The following ARNT2 variants were observed in gnomAD, a reference collection of about 807,000 sequenced individuals.
ARNT2 encodes the protein ARNT protein 2.
ARNT2 carries 36 observed loss-of-function variants against 91.7 expected under a neutral mutation model. That is an observed-to-expected ratio of 0.39 (90% CI 0.30 to 0.52). The LOEUF is 0.52. ARNT2 is among the 20% of genes least tolerant of loss of function. The pLI, the probability that ARNT2 is intolerant of heterozygous loss-of-function variation, is 0.72. For synonymous variants in ARNT2, 365 were observed against 347.1 expected (o/e 1.05, Z -0.57); for missense variants, 775 against 939.3 (o/e 0.83, Z 2.29).
chr15:80,472,382 C>T (rs1368513588), intron 4 of ARNT2, among the ~76,000 whole-genome samples: 1 of 152,086 alleles, frequency 6.6e-6, no homozygotes, highest in East Asian at 1.9e-4. Flanking sequence ...TGTACAGAAC[C>T]TCACAGGCAG....
At chr15:80,451,654 C>T (rs1896392904) in intron 2 of ARNT2, among the ~76,000 whole-genome samples, 1 of 152,068 alleles carries the variant, frequency 6.6e-6, no homozygotes, top group Admixed American at 6.5e-5. Context: ...AACCAACCAA[C>T]CAACCAACCA....
chr15:80,567,453 A>G (rs911843802), intron 12 of ARNT2, among the ~76,000 whole-genome samples: 4 of 152,220 alleles, frequency 2.6e-5, no homozygotes, highest in Non-Finnish European at 4.4e-5. Context: ...TTGAGCTCCA[A>G]GAACGTAAGA....
chr15:80,523,259 C>T (rs533066226), intron 8 of ARNT2, among the ~76,000 whole-genome samples: 12 of 152,262 alleles, frequency 7.9e-5, no homozygotes, highest in Admixed American at 2.6e-4. Context: ...CCCAGTTCAC[C>T]GAGCATGTGT....
chr15:80,456,073 T>C (rs1896477531), intron 2 of ARNT2, among the ~76,000 whole-genome samples: 1 of 152,170 alleles, frequency 6.6e-6, no homozygotes, highest in Non-Finnish European at 1.5e-5. Flanking sequence ...GCGATGTAAT[T>C]TTCCGAGAAA....
chr15:80,406,723 C>G (rs908720452), intron 1 of ARNT2, among the ~76,000 whole-genome samples: 4 of 152,322 alleles, frequency 2.6e-5, no homozygotes, highest in South Asian at 4.1e-4. Context: ...TAGTCAACAC[C>G]TGGCCAGCTT....
chr15:80,422,943 A>G (rs955688657), intron 1 of ARNT2, among the ~76,000 whole-genome samples: 7 of 152,170 alleles, frequency 4.6e-5, no homozygotes, highest in African/African-American at 1.7e-4. Context: ...TGGTCTTGTA[A>G]TTTATAACAG....
At position 80,571,126 on chromosome 15, in the gene ARNT2, A is replaced by T. The variant is rs538881414; in HGVS notation, c.1317-3022A>T. Among the ~76,000 whole-genome samples, 3 of 152,322 alleles carry T rather than the reference A, an allele frequency of 2.0e-5. No homozygotes were observed. In the South Asian group the frequency reaches 6.2e-4, roughly 32 times the overall value. On this transcript the variant is annotated intron_variant, in intron 12 of 18. Transcript: ENST00000303329. ...AGAAGTTGTTCCCCAGATGAAAGTTATAGGGAGGTACATTTCAGCTCCTTA... is the reference window on the plus strand; with the variant it reads ...AGAAGTTGTTCCCCAGATGAAAGTTTTAGGGAGGTACATTTCAGCTCCTTA...
chr15:80,580,301 GGA>G, intron 15 of ARNT2, 108 bp from the exon 16 acceptor site: 1 of 1,365,574 alleles, frequency 7.3e-7, no homozygotes, highest in Non-Finnish European at 1.0e-6. Context: ...CGTGCTGCAT[GGA>G]GAGAGAGCCA....
At chr15:80,515,444 A>G (rs1897418148) in intron 8 of ARNT2, among the ~76,000 whole-genome samples, 1 of 152,238 alleles carries the variant, frequency 6.6e-6, no homozygotes, top group Admixed American at 6.5e-5. Context: ...ATTATGGACA[A>G]ATCTTAAAAA....
chr15:80,501,844 A>G (rs1897199527), intron 5 of ARNT2, among the ~76,000 whole-genome samples: 1 of 152,224 alleles, frequency 6.6e-6, no homozygotes. Context: ...AGTGACCTGA[A>G]CAAACTCTCA....
intron 17 of ARNT2, among the ~76,000 whole-genome samples, chr15:80,582,725 G>A (rs1215797414): frequency 6.6e-6 from 1 of 152,152 alleles, no homozygotes; most frequent in Non-Finnish European, 1.5e-5. Context: ...TCGCCACGTG[G>A]TTCACTGGAA....
At chr15:80,416,021 C>G (rs1895780018) in intron 1 of ARNT2, among the ~76,000 whole-genome samples, 1 of 152,132 alleles carries the variant, frequency 6.6e-6, no homozygotes, top group African/African-American at 2.4e-5. Context: ...GTCCCCAACA[C>G]CTTCAGTAAG....
rs1244217339 is a variant in ARNT2 at position 80,581,236 on chromosome 15, T to C, written c.1753-3T>C. The C allele has an allele frequency of 3.1e-6, 5 of 1,613,962 alleles. No homozygotes were observed. The highest frequency in any genetic ancestry group is 4.2e-6 in the Non-Finnish European group (5 of 1,179,990). On this transcript the variant is annotated splice_polypyrimidine_tract_variant and splice_region_variant and intron_variant, in intron 16 of 18. Transcript: ENST00000303329. ...CCATCTCTTTGCTTTGTCCTGATTG[T>C]AGCAAATCCCATCTCAGTCCAGCAA...
intron 15 of ARNT2, chr15:80,580,129 G>T: frequency 2.5e-6 from 1 of 404,044 alleles, no homozygotes; most frequent in Non-Finnish European, 4.6e-6. Flanking sequence ...ATAGGATAGG[G>T]GCTGAAGAGT....
chr15:80,514,520 C>G, intron 8 of ARNT2, 115 bp downstream of exon 8: 1 of 910,742 alleles, frequency 1.1e-6, no homozygotes, highest in Non-Finnish European at 1.7e-6. Context: ...TCTTATTTTT[C>G]TTTGTGGTTA....
chr15:80,505,035 G>C (rs957818365), intron 5 of ARNT2, among the ~76,000 whole-genome samples: 5 of 152,184 alleles, frequency 3.3e-5, no homozygotes, highest in Non-Finnish European at 1.5e-5. Flanking sequence ...AACATGAAAG[G>C]TTCTCAAGGA....
At chr15:80,516,675 T>C (rs1036076758) in intron 8 of ARNT2, among the ~76,000 whole-genome samples, 3 of 151,756 alleles carry the variant, frequency 2.0e-5, no homozygotes, top group African/African-American at 4.8e-5. Flanking sequence ...ATTATTGATA[T>C]AGTTTGATTG....
At chr15:80,574,571 C>T (rs1211128486) in intron 13 of ARNT2, among the ~76,000 whole-genome samples, 1 of 152,218 alleles carries the variant, frequency 6.6e-6, no homozygotes, top group Non-Finnish European at 1.5e-5. Flanking sequence ...TTGGCCATTT[C>T]CCTGCCACTG....
intron 8 of ARNT2, among the ~76,000 whole-genome samples, chr15:80,531,285 G>T (rs1343182281): frequency 3.9e-5 from 6 of 152,200 alleles, no homozygotes; most frequent in Non-Finnish European, 7.3e-5. Flanking sequence ...AAGCATTTCT[G>T]GCTAATGCCG....
Sources: gnomAD v4.1 joint callset for allele counts (sites outside exome capture counted in the v4.1 genomes callset) on GRCh38, gnomAD v4.1.1 for gene constraint, MANE v1.5 for transcripts, NCBI Gene and HGNC (gene_info 2026-07-23, HGNC 2026-07-21) for gene names.